EDC3: variants seen among roughly 807,000 people sequenced by gnomAD.
The protein encoded by EDC3 is enhancer of mRNA decapping 3, also known as enhancer of mRNA-decapping protein 3.
In EDC3, 20 loss-of-function variants were observed where a neutral mutation model predicts 41.8. The ratio of observed to expected loss-of-function variants is 0.48; its 90% CI spans 0.34 to 0.70. EDC3 has a LOEUF of 0.70. EDC3 is among the 30% of genes least tolerant of loss of function. The pLI, the probability that EDC3 is intolerant of heterozygous loss-of-function variation, is 0.01. For missense variants in EDC3, 444 were observed against 636.8 expected (o/e 0.70, Z 3.26); for synonymous variants, 206 against 243.2 (o/e 0.85, Z 1.42).
chr15:74,664,974 T>A (rs2062660945), intron 3 of EDC3, among the ~76,000 whole-genome samples: 1 of 152,234 alleles, frequency 6.6e-6, no homozygotes, highest in South Asian at 2.1e-4. Flanking sequence ...GGCACTGTCA[T>A]GCCTATAGGA....
intron 1 of EDC3, among the ~76,000 whole-genome samples, chr15:74,675,631 T>C (rs1035637677): frequency 1.0e-4 from 15 of 149,426 alleles, no homozygotes; most frequent in African/African-American, 3.7e-4. Context: ...TTGCCCAGGC[T>C]GGAGTGCAAT....
In EDC3 at chr15:74,640,577, T is replaced by C. The variant is rs760963119; in HGVS notation, c.863A>G (p.Lys288Arg). 4 of 1,614,214 alleles carry C rather than the reference T, an allele frequency of 2.5e-6. No homozygotes were observed. The East Asian group carries it at 8.9e-5, about 36-fold the overall frequency. ...VVPSISYELH[K>R]KLLSVAEKHG... ...CTTCTCAGCCACGGACAACAGCTTTTTATGCAGCTCATAGGAAATACTTGG... is the reference window on the plus strand; with the variant it reads ...CTTCTCAGCCACGGACAACAGCTTTCTATGCAGCTCATAGGAAATACTTGG... The change falls in exon 5 of 7, where the codon AAA becomes AGA. Residue 288 changes from lysine (K) to arginine (R), a missense_variant. By Grantham distance (26) the Lys-to-Arg change is conservative. Coordinates refer to ENST00000315127, the MANE Select transcript of EDC3 (RefSeq NM_025083.5).
At chr15:74,680,132 T>G (rs528308817) in intron 1 of EDC3, among the ~76,000 whole-genome samples, 6 of 150,406 alleles carry the variant, frequency 4.0e-5, no homozygotes, top group Non-Finnish European at 8.9e-5. Context: ...CGTGGTGGCG[T>G]GCTCCTGAGT....
At chr15:74,657,197 C>T (rs2062559558) in intron 3 of EDC3, among the ~76,000 whole-genome samples, 1 of 152,252 alleles carries the variant, frequency 6.6e-6, no homozygotes, top group South Asian at 2.1e-4. Flanking sequence ...CTGTGGATGG[C>T]AGAGCTAAAA....
intron 4 of EDC3, among the ~76,000 whole-genome samples, chr15:74,645,634 A>G (rs1188823957): frequency 2.7e-5 from 4 of 149,164 alleles, no homozygotes; most frequent in Non-Finnish European, 4.4e-5. Context: ...TTGGGAAGCC[A>G]AGGGTGGGCA....
chr15:74,642,804 T>A (rs1323805092), intron 4 of EDC3: 1 of 152,214 alleles, frequency 6.6e-6, no homozygotes, highest in African/African-American at 2.4e-5. Flanking sequence ...GCAGAAGCAT[T>A]TTCTGCTAGC....
At chr15:74,689,806 G>A (rs2062984222) in intron 1 of EDC3, among the ~76,000 whole-genome samples, 1 of 152,118 alleles carries the variant, frequency 6.6e-6, no homozygotes, top group Non-Finnish European at 1.5e-5. Context: ...TTACAGGCGT[G>A]AGCCACTGCG....
rs1317353466 is a variant in EDC3 at position 74,640,607 on chromosome 15, A to G, written c.833T>C (p.Val278Ala). ...CAGCTCATAGGAAATACTTGGGACA[A>G]CCAGGCCAGAGTCTGCAGTTCAAAA... ...SKEFCTDSGL[V>A]VPSISYELHK... The change falls in exon 5 of 7, where the codon GTT becomes GCT. Residue 278 changes from valine (V) to alanine (A), a missense_variant. Transcript: ENST00000315127. The G allele has an allele frequency of 1.2e-6, 2 of 1,614,096 alleles. No individual in the cohort carries two copies. The highest frequency in any genetic ancestry group is 1.7e-6 in the Non-Finnish European group (2 of 1,180,034).
chr15:74,683,957 G>A (rs1231778895), intron 1 of EDC3, among the ~76,000 whole-genome samples: 1 of 151,918 alleles, frequency 6.6e-6, no homozygotes, highest in Non-Finnish European at 1.5e-5. Flanking sequence ...TTCAGAGGCT[G>A]AGGCAAGAAG....
intron 2 of EDC3, among the ~76,000 whole-genome samples, chr15:74,674,098 C>T (rs1477619204): frequency 6.6e-6 from 1 of 151,966 alleles, no homozygotes; most frequent in Non-Finnish European, 1.5e-5. Context: ...AGATAGGGAG[C>T]ATTTTATTTT....
intron 4 of EDC3, among the ~76,000 whole-genome samples, chr15:74,650,312 C>T (rs774729896): frequency 2.0e-5 from 3 of 152,192 alleles, no homozygotes; most frequent in Non-Finnish European, 4.4e-5. Flanking sequence ...TCCTTCTACT[C>T]CCCAGCACAA....
chr15:74,635,175 C>A (rs78139492), intron 6 of EDC3: 2 of 689,228 alleles, frequency 2.9e-6, no homozygotes, highest in Non-Finnish European at 5.3e-6. Flanking sequence ...GCCTGTTCAA[C>A]GAATATTTGT....
chr15:74,686,240 G>A (rs367622564), intron 1 of EDC3, among the ~76,000 whole-genome samples: 2 of 151,978 alleles, frequency 1.3e-5, no homozygotes, highest in South Asian at 2.1e-4. Context: ...CAGGAGAATC[G>A]CTTGAACCCG....
chr15:74,681,282 A>G (rs2062867706), intron 1 of EDC3, among the ~76,000 whole-genome samples: 1 of 152,130 alleles, frequency 6.6e-6, no homozygotes, highest in African/African-American at 2.4e-5. Flanking sequence ...CCTCCCGAGT[A>G]GCTGGCATTA....
intron 4 of EDC3, chr15:74,643,602 G>C (rs1231196194): frequency 6.6e-6 from 1 of 152,236 alleles, no homozygotes; most frequent in East Asian, 1.9e-4. Flanking sequence ...CCCTTGTCAG[G>C]TCATCACTTT....
intron 1 of EDC3, among the ~76,000 whole-genome samples, chr15:74,694,440 T>C (rs1009485683): frequency 1.3e-5 from 2 of 152,134 alleles, no homozygotes; most frequent in Non-Finnish European, 2.9e-5. Flanking sequence ...CCCAAATAGC[T>C]GGGATTATAG....
In EDC3 at chr15:74,640,429, C is replaced by G. The variant is rs1297475897; in HGVS notation, c.974+37G>C. 3 of 1,608,942 alleles carry G rather than the reference C, an allele frequency of 1.9e-6. No homozygotes were observed. In the Admixed American group the frequency reaches 5.0e-5, roughly 27 times the overall value. ...GTGGTGGCCAGGCAGAGCATCCTTA[C>G]TCCACATTGAGTCCCTGCCAGTTTA... On this transcript the variant is annotated intron_variant, in intron 5 of 6. Coordinates refer to ENST00000315127, the MANE Select transcript of EDC3 (RefSeq NM_025083.5).
chr15:74,645,168 T>G (rs1376162766), intron 4 of EDC3: 3 of 152,142 alleles, frequency 2.0e-5, no homozygotes, highest in South Asian at 4.1e-4. Flanking sequence ...ACAGAAGAGA[T>G]ATGACAGCTG....
intron 2 of EDC3, among the ~76,000 whole-genome samples, chr15:74,672,218 G>A (rs1026317305): frequency 7.1e-5 from 10 of 140,558 alleles, no homozygotes; most frequent in African/African-American, 2.7e-4. Flanking sequence ...GCAGTGAGCC[G>A]AGATCCCGCC....
Sources: gnomAD v4.1 joint callset for allele counts (sites outside exome capture counted in the v4.1 genomes callset) on GRCh38, gnomAD v4.1.1 for gene constraint, MANE v1.5 for transcripts, NCBI Gene and HGNC (gene_info 2026-07-23, HGNC 2026-07-21) for gene names.